The following PDE1A variants were observed in gnomAD, a reference collection of about 807,000 sequenced individuals.
PDE1A encodes the protein dual specificity calcium/calmodulin-dependent 3',5'-cyclic nucleotide phosphodiesterase 1A.
Under a neutral mutation model 61.7 loss-of-function variants are expected in PDE1A, and 35 were observed. That is an observed-to-expected ratio of 0.57 (90% CI 0.43 to 0.75). PDE1A has a LOEUF of 0.75. Among genes scored for constraint, PDE1A ranks in the 30% least tolerant of loss-of-function variants. The pLI is 0.00. For missense variants in PDE1A, 597 were observed against 630.6 expected (o/e 0.95, Z 0.57); for synonymous variants, 232 against 213.2 (o/e 1.09, Z -0.77).
chr2:182,662,633 T>C, the PDE1A span, among the ~76,000 whole-genome samples: 104,113 of 152,004 alleles, frequency 0.68, 36,006 homozygotes, highest in Middle Eastern at 0.76. Context: ...ACTGGCCAGC[T>C]ATATGCAGGA....
the PDE1A span, among the ~76,000 whole-genome samples, chr2:182,714,812 G>T: frequency 1.3e-5 from 2 of 152,112 alleles, no homozygotes; most frequent in African/African-American, 4.8e-5. Flanking sequence ...ACCCGCCTCA[G>T]CCCCTCAAAG....
At chr2:182,180,705 G>C (rs1243303729) in intron 13 of PDE1A, among the ~76,000 whole-genome samples, 1 of 151,492 alleles carries the variant, frequency 6.6e-6, no homozygotes, top group East Asian at 2.0e-4. Flanking sequence ...CATTCTCCCA[G>C]TCTCTTTCAG....
the PDE1A span, chr2:182,716,189 G>A: frequency 6.6e-6 from 1 of 152,314 alleles, no homozygotes; most frequent in Non-Finnish European, 1.5e-5. Flanking sequence ...CGCCCGCTGG[G>A]CCCGCAGCGG....
At chr2:182,220,948 A>G (rs1309016042) in intron 7 of PDE1A, among the ~76,000 whole-genome samples, 1 of 152,034 alleles carries the variant, frequency 6.6e-6, no homozygotes, top group African/African-American at 2.4e-5. Context: ...GGAATTTTCA[A>G]GTTCATGTAG....
At chr2:182,408,003 C>T (rs998556512) in intron 1 of PDE1A, among the ~76,000 whole-genome samples, 1 of 151,990 alleles carries the variant, frequency 6.6e-6, no homozygotes, top group Non-Finnish European at 1.5e-5. Context: ...TAGACAAACA[C>T]AGAACTTTTG....
the PDE1A span, among the ~76,000 whole-genome samples, chr2:182,552,223 A>G: frequency 2.6e-5 from 4 of 152,100 alleles, no homozygotes; most frequent in African/African-American, 7.2e-5. Context: ...GCCTTTCCAA[A>G]CCTATAACAT....
chr2:182,441,128 G>C (rs1273621379), intron 2 of PDE1A, among the ~76,000 whole-genome samples: 1 of 152,006 alleles, frequency 6.6e-6, no homozygotes, highest in African/African-American at 2.4e-5. Context: ...AAGACGGCTT[G>C]TGCAGGAGAA....
At chr2:182,209,721 G>A (rs968383457) in intron 7 of PDE1A, among the ~76,000 whole-genome samples, 1 of 151,786 alleles carries the variant, frequency 6.6e-6, no homozygotes, top group Non-Finnish European at 1.5e-5. Context: ...TCCCTCTCTT[G>A]CCACCATGTG....
chr2:182,631,018 CAT>C, the PDE1A span, among the ~76,000 whole-genome samples: 3 of 152,066 alleles, frequency 2.0e-5, no homozygotes, highest in African/African-American at 7.2e-5. Context: ...CACACACACA[CAT>C]ACAGATATAG....
intron 1 of PDE1A, among the ~76,000 whole-genome samples, chr2:182,384,803 T>C (rs992842389): frequency 2.6e-5 from 4 of 152,096 alleles, no homozygotes; most frequent in Non-Finnish European, 4.4e-5. Flanking sequence ...GATGTAAATA[T>C]TGAAATACAG....
In PDE1A at chr2:182,349,908, T is replaced by A. The variant is rs2125094239; in HGVS notation, c.53+76670A>T. On this transcript the variant is annotated intron_variant, in intron 1 of 13. Coordinates refer to ENST00000351439, the Ensembl canonical transcript of PDE1A. ...GATTTTTTTACTACTGTATTTTTTT[T>A]AACTTTTTATTGACATATAACATAC... Among the ~76,000 whole-genome samples the A allele has an allele frequency of 1.3e-5, 2 of 152,194 alleles. 1 individual carries two copies. The highest frequency in any genetic ancestry group is 2.9e-5 in the Non-Finnish European group (2 of 68,044).
chr2:182,513,240 TAGC>T (rs1450997248), intron 2 of PDE1A, among the ~76,000 whole-genome samples: 1 of 152,144 alleles, frequency 6.6e-6, no homozygotes, highest in Non-Finnish European at 1.5e-5. Flanking sequence ...CTTAGGCTAA[TAGC>T]AGACCTTTCA....
At chr2:182,199,665 C>T (rs191733877) in intron 10 of PDE1A, among the ~76,000 whole-genome samples, 2 of 152,062 alleles carry the variant, frequency 1.3e-5, no homozygotes, top group East Asian at 3.9e-4. Context: ...TTTTAATTGA[C>T]CATAATAAGC....
chr2:182,479,559 C>T (rs1281979199), intron 2 of PDE1A, among the ~76,000 whole-genome samples: 1 of 151,356 alleles, frequency 6.6e-6, no homozygotes, highest in East Asian at 1.9e-4. Context: ...AGGAAGACAG[C>T]CAGACTTAGG....
chr2:182,471,457 CA>C (rs1253029709), intron 2 of PDE1A, among the ~76,000 whole-genome samples: 1 of 151,624 alleles, frequency 6.6e-6, no homozygotes, highest in African/African-American at 2.4e-5. Context: ...TATGACTTCT[CA>C]AATTTTGACT....
At chr2:182,358,333 C>T (rs1324431373) in intron 1 of PDE1A, among the ~76,000 whole-genome samples, 1 of 152,108 alleles carries the variant, frequency 6.6e-6, no homozygotes, top group Non-Finnish European at 1.5e-5. Context: ...TGTTTTATGT[C>T]CCCATGCCTT....
chr2:182,688,331 C>T, the PDE1A span, among the ~76,000 whole-genome samples: 11 of 152,156 alleles, frequency 7.2e-5, no homozygotes, highest in East Asian at 3.8e-4. Context: ...GCTGATCTCT[C>T]GGCAGAAACT....
the PDE1A span, among the ~76,000 whole-genome samples, chr2:182,687,176 A>T: frequency 6.6e-6 from 1 of 152,190 alleles, no homozygotes; most frequent in Admixed American, 6.5e-5. Flanking sequence ...GACAGCTTTG[A>T]AGAGAGTAGT....
intron 1 of PDE1A, among the ~76,000 whole-genome samples, chr2:182,320,687 C>T (rs1696642314): frequency 6.6e-6 from 1 of 152,114 alleles, no homozygotes; most frequent in South Asian, 2.1e-4. Context: ...AATCACTTTT[C>T]CAATGTTCGT....
Sources: allele counts gnomAD v4.1 joint callset (sites outside exome capture counted in the v4.1 genomes callset), GRCh38; gene constraint gnomAD v4.1.1; transcripts MANE v1.5; gene names NCBI Gene and HGNC (gene_info 2026-07-23, HGNC 2026-07-21).